Variants in MAGI2 observed in about 807,000 individuals in gnomAD.
MAGI2 encodes the protein membrane associated guanylate kinase, WW and PDZ domain containing 2.
A neutral mutation model predicts 133.3 loss-of-function variants in MAGI2; 35 were observed. That is an observed-to-expected ratio of 0.26 (90% CI 0.20 to 0.35). The LOEUF (loss-of-function observed/expected upper bound fraction) is 0.35. Among genes scored for constraint, MAGI2 ranks in the 10% least tolerant of loss-of-function variants. The pLI is 1.00. For synonymous variants in MAGI2, 729 were observed against 710.6 expected, an observed-to-expected ratio of 1.03 and a Z score of -0.41; for missense variants, 1,636 against 1,863.4, an observed-to-expected ratio of 0.88 and a Z score of 2.25.
chr7:78,779,755 C>A (rs536790444), intron 2 of MAGI2, among the ~76,000 whole-genome samples: 170 of 152,302 alleles, frequency 1.1e-3, no homozygotes, highest in South Asian at 3.7e-3. Flanking sequence ...GTCCATGATA[C>A]TGGGAAGTGA....
intron 1 of MAGI2, among the ~76,000 whole-genome samples, chr7:79,325,022 C>T (rs895236079): frequency 2.6e-5 from 4 of 151,852 alleles, no homozygotes; most frequent in African/African-American, 9.7e-5. Flanking sequence ...GTAGCTTGGT[C>T]TATAAGATGA....
chr7:79,134,178 T>A (rs868157928), intron 1 of MAGI2, among the ~76,000 whole-genome samples: 1 of 152,154 alleles, frequency 6.6e-6, no homozygotes, highest in Admixed American at 6.5e-5. Flanking sequence ...TTTTTAGGGG[T>A]CCTCTAGGTA....
At chr7:78,150,428 T>C (rs1823757018) in intron 16 of MAGI2, among the ~76,000 whole-genome samples, 1 of 152,256 alleles carries the variant, frequency 6.6e-6, no homozygotes, top group African/African-American at 2.4e-5. Flanking sequence ...TAATCCACCA[T>C]GAGGCCCTGA....
chr7:78,072,633 T>C lies in MAGI2; in HGVS notation c.3706+6314A>G, dbSNP rs143948995. ...GGGAAGAAAGGATGTACTCAGCAGA[T>C]AATAGCAAAAAAGATTATAATGGCA... On this transcript the variant is annotated intron_variant, in intron 21 of 21. Coordinates refer to ENST00000354212, the MANE Select transcript of MAGI2 (RefSeq NM_012301.4). 424 of 319,304 alleles carry C rather than the reference T, an allele frequency of 1.3e-3. 2 individuals are homozygous for C. The East Asian group carries it at 0.019, about 14-fold the overall frequency. 19.8% of individuals were successfully genotyped at this position (319,304 alleles called of 1,614,324 possible).
intron 1 of MAGI2, among the ~76,000 whole-genome samples, chr7:79,431,528 T>C (rs1376084422): frequency 6.6e-6 from 1 of 152,204 alleles, no homozygotes; most frequent in Non-Finnish European, 1.5e-5. Context: ...GTAGTCCTAA[T>C]ATAGTATTTT....
intron 2 of MAGI2, among the ~76,000 whole-genome samples, chr7:78,915,341 G>A (rs1798706351): frequency 6.6e-6 from 1 of 152,038 alleles, no homozygotes; most frequent in Admixed American, 6.6e-5. Flanking sequence ...TGAATACTAG[G>A]GAGAGCCTAT....
rs1794588125 is a variant in MAGI2 at position 78,271,588 on chromosome 7, C to T, written c.1409-15007G>A. Among the ~76,000 whole-genome samples the T allele has an allele frequency of 4.6e-5, 7 of 152,158 alleles. No homozygotes were observed. In the South Asian group the frequency reaches 1.5e-3, roughly 32 times the overall value. On this transcript the variant is annotated intron_variant, in intron 9 of 21. Transcript: ENST00000354212. ...GGCTGTGAATCTGTCTGGTCCTGGACTTTTTTTGGTTGGTAGGCTATTAAT... is the reference window on the plus strand; with the variant it reads ...GGCTGTGAATCTGTCTGGTCCTGGATTTTTTTTGGTTGGTAGGCTATTAAT...
At chr7:79,448,747 T>C (rs555065624) in intron 1 of MAGI2, among the ~76,000 whole-genome samples, 1 of 152,252 alleles carries the variant, frequency 6.6e-6, no homozygotes, top group East Asian at 1.9e-4. Context: ...TGAATATGCT[T>C]TTCTCATTAT....
intron 1 of MAGI2, among the ~76,000 whole-genome samples, chr7:79,104,921 C>T (rs1035273123): frequency 6.6e-6 from 1 of 152,180 alleles, no homozygotes; most frequent in Non-Finnish European, 1.5e-5. Context: ...AAGTTTTATC[C>T]TGTACCACTA....
At chr7:78,622,654 G>C (rs1807873760) in intron 3 of MAGI2, among the ~76,000 whole-genome samples, 1 of 152,008 alleles carries the variant, frequency 6.6e-6, no homozygotes, top group Non-Finnish European at 1.5e-5. Context: ...CCTAGGTCTA[G>C]AGCTTATGAC....
chr7:78,804,574 C>T (rs1168102144), intron 2 of MAGI2, among the ~76,000 whole-genome samples: 2 of 150,704 alleles, frequency 1.3e-5, no homozygotes, highest in African/African-American at 4.9e-5. Context: ...CGGTGAAACC[C>T]CGTCTCTACT....
intron 10 of MAGI2, among the ~76,000 whole-genome samples, chr7:78,241,580 A>T (rs976123544): frequency 2.6e-5 from 4 of 152,232 alleles, no homozygotes; most frequent in South Asian, 2.1e-4. Context: ...TACATATACC[A>T]GTGGCTTGAG....
intron 1 of MAGI2, among the ~76,000 whole-genome samples, chr7:79,368,113 A>C (rs1263945441): frequency 4.6e-5 from 7 of 151,988 alleles, no homozygotes; most frequent in Non-Finnish European, 2.9e-5. Flanking sequence ...ATGACTGAGC[A>C]CTATATACTA....
intron 2 of MAGI2, among the ~76,000 whole-genome samples, chr7:78,669,274 C>G (rs1395176127): frequency 6.6e-6 from 1 of 152,056 alleles, no homozygotes; most frequent in Non-Finnish European, 1.5e-5. Flanking sequence ...AAACTACCAT[C>G]AGAGAATACT....
chr7:78,479,544 C>T (rs1792143626), intron 6 of MAGI2, among the ~76,000 whole-genome samples: 1 of 151,762 alleles, frequency 6.6e-6, no homozygotes, highest in Admixed American at 6.6e-5. Context: ...ACTAAGCAGA[C>T]CAAAAATAGC....
intron 2 of MAGI2, among the ~76,000 whole-genome samples, chr7:78,802,411 T>A (rs977225438): frequency 1.3e-5 from 2 of 152,184 alleles, no homozygotes; most frequent in African/African-American, 4.8e-5. Flanking sequence ...ATAGAAGCCA[T>A]GTATCTGGCT....
chr7:78,352,280 A>G lies in MAGI2; in HGVS notation c.1104-6237T>C, dbSNP rs370648071. On this transcript the variant is annotated intron_variant, in intron 7 of 21. Transcript: ENST00000354212. ...GAATTATGATGCAAAACAAGGTTACATAATGCAATGTGTGCCTTACAGGGC... is the reference window on the plus strand; with the variant it reads ...GAATTATGATGCAAAACAAGGTTACGTAATGCAATGTGTGCCTTACAGGGC... Among the ~76,000 whole-genome samples, 13 of 152,358 alleles carry G rather than the reference A, an allele frequency of 8.5e-5. 1 individual carries two copies. Among genetic ancestry groups the G allele is most frequent in the East Asian group, 3.9e-4 (2 of 5,186 alleles).
intron 9 of MAGI2, among the ~76,000 whole-genome samples, chr7:78,297,033 C>G (rs1562776818): frequency 6.6e-6 from 1 of 152,152 alleles, no homozygotes; most frequent in Non-Finnish European, 1.5e-5. Flanking sequence ...TTTTCTCAAC[C>G]ATTAAAAAGG....
intron 1 of MAGI2, among the ~76,000 whole-genome samples, chr7:79,432,333 C>A (rs1386475556): frequency 6.6e-6 from 1 of 152,170 alleles, no homozygotes; most frequent in Admixed American, 6.5e-5. Context: ...CCCACACTAG[C>A]TGTTTGTTGA....
Sources: gnomAD v4.1 joint callset for allele counts (sites outside exome capture counted in the v4.1 genomes callset) on GRCh38, gnomAD v4.1.1 for gene constraint, MANE v1.5 for transcripts, NCBI Gene and HGNC (gene_info 2026-07-23, HGNC 2026-07-21) for gene names.